Variants in TMEM132C observed in about 807,000 individuals in gnomAD.
TMEM132C encodes protein phosphatase 1, regulatory subunit 152.
In TMEM132C, 29 loss-of-function variants were observed where a neutral mutation model predicts 61.4. The ratio of observed to expected loss-of-function variants is 0.47; its 90% CI spans 0.35 to 0.64. The LOEUF (loss-of-function observed/expected upper bound fraction) is 0.64. TMEM132C is among the 30% of genes least tolerant of loss of function. The pLI, the probability that TMEM132C is intolerant of heterozygous loss-of-function variation, is 0.00. For missense variants in TMEM132C, 1,408 were observed against 1,476.9 expected (o/e 0.95, Z 0.76); for synonymous variants, 656 against 633.1 (o/e 1.04, Z -0.54).
intron 3 of TMEM132C, among the ~76,000 whole-genome samples, chr12:128,564,146 T>C (rs1415544796): frequency 6.6e-6 from 1 of 152,184 alleles, no homozygotes; most frequent in African/African-American, 2.4e-5. Flanking sequence ...CCGGGCTCTT[T>C]ATCTCCTCAT....
intron 5 of TMEM132C, among the ~76,000 whole-genome samples, chr12:128,678,843 G>A (rs930908659): frequency 1.3e-5 from 2 of 152,168 alleles, no homozygotes; most frequent in Admixed American, 6.5e-5. Flanking sequence ...GCCCTAGGCC[G>A]AGCAGACACC....
intron 1 of TMEM132C, among the ~76,000 whole-genome samples, chr12:128,282,161 T>G (rs1448690823): frequency 1.3e-5 from 2 of 152,244 alleles, no homozygotes; most frequent in Admixed American, 1.3e-4. Context: ...TTATCATCCC[T>G]GAATGTTTTG....
chr12:128,326,796 A>AT lies in TMEM132C; in HGVS notation c.85+59319dup, dbSNP rs58823202. On this transcript the variant is annotated intron_variant, in intron 1 of 8. Coordinates refer to ENST00000435159, the MANE Select transcript of TMEM132C (RefSeq NM_001136103.3). This position sits in a 1 kb window ranked among gnomAD's most constrained non-coding sequence, Gnocchi z 5.6. ...CACATCTCGTTACCGACTTCACAAT[A>AT]TTTTTTTTTTCTTTCTTAACAACGT... Among the ~76,000 whole-genome samples the AT allele has an allele frequency of 0.055, 7,633 of 138,648 alleles. 731 individuals are homozygous for AT. Among genetic ancestry groups the AT allele is most frequent in the African/African-American group, 0.15 (4,414 of 30,046 alleles). 91.0% of individuals were successfully genotyped at this position (138,648 alleles called of 152,430 possible). A position where few individuals can be genotyped will look rare whatever the true frequency, so the allele number is the denominator to read the frequency against.
chr12:128,400,600 T>A (rs1424090986), intron 1 of TMEM132C, among the ~76,000 whole-genome samples: 5 of 34 alleles, frequency 0.15, no homozygotes, highest in Non-Finnish European at 0.5. Flanking sequence ...CATTCTTTTG[T>A]TTTTTTTTTT....
At position 128,267,191 on chromosome 12, in the gene TMEM132C, C is replaced by G. The variant is rs1472337179; in HGVS notation, c.-212C>G. ...GGGAGAAAAGTTGTCCCGGCCGGAGCGCGAGCAGCGGCGGAGCCGGAGCCG... is the reference window on the plus strand; with the variant it reads ...GGGAGAAAAGTTGTCCCGGCCGGAGGGCGAGCAGCGGCGGAGCCGGAGCCG... On this transcript the variant is annotated 5_prime_UTR_variant, in exon 1 of 9. Coordinates refer to ENST00000435159, the MANE Select transcript of TMEM132C (RefSeq NM_001136103.3). Among the ~76,000 whole-genome samples, 3 of 146,620 alleles carry G rather than the reference C, an allele frequency of 2.0e-5. No homozygotes were observed. Among genetic ancestry groups the G allele is most frequent in the African/African-American group, 4.9e-5 (2 of 40,730 alleles).
chr12:128,562,790 C>T (rs147975148), intron 3 of TMEM132C, among the ~76,000 whole-genome samples: 22 of 152,316 alleles, frequency 1.4e-4, no homozygotes, highest in African/African-American at 5.3e-4. Context: ...GTGACAGCAG[C>T]CCCCAAATCC....
In TMEM132C at chr12:128,622,343, C is replaced by CA. The variant is rs71069584; in HGVS notation, c.1305+6026dup. Among the ~76,000 whole-genome samples the CA allele has an allele frequency of 5.3e-3, 85 of 16,084 alleles. 5 individuals are homozygous for CA. Among genetic ancestry groups the CA allele is most frequent in the East Asian group, 0.018 (8 of 450 alleles). 10.6% of individuals were successfully genotyped at this position (16,084 alleles called of 152,430 possible). On this transcript the variant is annotated intron_variant, in intron 4 of 8. Coordinates refer to ENST00000435159, the MANE Select transcript of TMEM132C (RefSeq NM_001136103.3). ...TGGGTGACAGAGTGAGACTTTGTCT[C>CA]AAAAAAAAAAAAAAAAAATATATAT... is the stretch of plus-strand genomic sequence containing the variant.
chr12:128,582,230 A>G (rs776585356), intron 3 of TMEM132C, among the ~76,000 whole-genome samples: 17 of 152,262 alleles, frequency 1.1e-4, no homozygotes. Context: ...AAAAATTGCC[A>G]TTAAACCTGG....
chr12:128,388,882 C>T (rs1874675836), intron 1 of TMEM132C, among the ~76,000 whole-genome samples: 1 of 152,214 alleles, frequency 6.6e-6, no homozygotes, highest in South Asian at 2.1e-4. Flanking sequence ...TCACACGTAG[C>T]TTGAGGAAAA....
At chr12:128,348,856 T>C (rs183694483) in intron 1 of TMEM132C, among the ~76,000 whole-genome samples, 37 of 152,364 alleles carry the variant, frequency 2.4e-4, no homozygotes, top group Non-Finnish European at 4.0e-4. Context: ...CTTAATGAAA[T>C]GTCACTAGAG....
At position 128,467,735 on chromosome 12, in the gene TMEM132C, C is replaced by A. The variant is rs145335967; in HGVS notation, c.974+52115C>A. Among the ~76,000 whole-genome samples, 151 of 152,286 alleles carry A rather than the reference C, an allele frequency of 9.9e-4. 3 individuals are homozygous for A. In the East Asian group the frequency reaches 0.019, roughly 20 times the overall value. ...CCCAGACTGGAGCTCTAATACTCAG[C>A]TTCCGATCAGCTGCATCTGGAGCAA... On this transcript the variant is annotated intron_variant, in intron 2 of 8. Coordinates refer to ENST00000435159, the MANE Select transcript of TMEM132C (RefSeq NM_001136103.3).
In TMEM132C at chr12:128,316,841, C is replaced by T. The variant is rs185707586; in HGVS notation, c.85+49354C>T. Among the ~76,000 whole-genome samples, 8 of 152,188 alleles carry T rather than the reference C, an allele frequency of 5.3e-5. No individual in the cohort carries two copies. The East Asian group carries it at 1.5e-3, about 29-fold the overall frequency. On this transcript the variant is annotated intron_variant, in intron 1 of 8. Coordinates refer to ENST00000435159, the MANE Select transcript of TMEM132C (RefSeq NM_001136103.3). ...CCTTGTTCCAAGATACACTCCTTTC[C>T]TGGGGCCATCTGTGACTCACTCATA...
intron 1 of TMEM132C, among the ~76,000 whole-genome samples, chr12:128,334,749 C>A (rs931477397): frequency 6.6e-6 from 1 of 152,092 alleles, no homozygotes; most frequent in Non-Finnish European, 1.5e-5. Context: ...GTGCCCGCCA[C>A]CATGCCTGGC....
chr12:128,704,335 A>C (rs1379512885), intron 8 of TMEM132C, among the ~76,000 whole-genome samples: 1 of 152,096 alleles, frequency 6.6e-6, no homozygotes, highest in East Asian at 1.9e-4. Flanking sequence ...CTGCAAAATA[A>C]ACTCAGCCCC....
intron 5 of TMEM132C, among the ~76,000 whole-genome samples, chr12:128,673,926 T>C (rs1224227519): frequency 6.6e-6 from 1 of 152,246 alleles, no homozygotes; most frequent in African/African-American, 2.4e-5. Context: ...ATCCTCTGAT[T>C]AGGTAGATCA....
At chr12:128,693,644 AC>A (rs1334867125) in intron 5 of TMEM132C, among the ~76,000 whole-genome samples, 184 bp from the exon 6 acceptor site, 1 of 151,822 alleles carries the variant, frequency 6.6e-6, no homozygotes, top group East Asian at 1.9e-4. Context: ...CTGCTCCTTC[AC>A]CCCTGCTCCC....
At chr12:128,444,761 C>T (rs1869916128) in intron 2 of TMEM132C, among the ~76,000 whole-genome samples, 1 of 152,184 alleles carries the variant, frequency 6.6e-6, no homozygotes. Context: ...GCCCCACGTC[C>T]TTGGCGCGGG....
intron 3 of TMEM132C, among the ~76,000 whole-genome samples, chr12:128,568,324 A>G (rs1424373967): frequency 6.6e-6 from 1 of 152,218 alleles, no homozygotes; most frequent in Non-Finnish European, 1.5e-5. Flanking sequence ...TCATAGCAGC[A>G]AGGATGCATT....
chr12:128,638,722 G>A (rs1038158159), intron 4 of TMEM132C, among the ~76,000 whole-genome samples: 7 of 152,158 alleles, frequency 4.6e-5, no homozygotes, highest in African/African-American at 1.7e-4. Flanking sequence ...TAAAAGGGTG[G>A]AGAAGAGGAG....
Sources: allele counts gnomAD v4.1 joint callset (sites outside exome capture counted in the v4.1 genomes callset), GRCh38; gene constraint gnomAD v4.1.1; non-coding constraint Gnocchi (gnomAD v3.1); transcripts MANE v1.5; gene names NCBI Gene and HGNC (gene_info 2026-07-23, HGNC 2026-07-21).